Variants in GMFB observed in about 807,000 individuals in gnomAD.
GMFB encodes glia maturation factor beta.
GMFB carries 13 observed loss-of-function variants against 25.6 expected under a neutral mutation model. That is an observed-to-expected ratio of 0.51 (90% CI 0.33 to 0.81). GMFB has a LOEUF of 0.81. Ranked by LOEUF, GMFB falls within the 30% of genes least tolerant of loss-of-function variation. The pLI is 0.02. For synonymous variants in GMFB, 57 were observed against 56.9 expected (o/e 1.00, Z 0.00); for missense variants, 146 against 175.4 (o/e 0.83, Z 0.95).
chr14:54,484,186 T>A (rs2031753243), intron 1 of GMFB: 1 of 181,272 alleles, frequency 5.5e-6, no homozygotes, highest in African/African-American at 2.4e-5. Context: ...TACTTAGAAT[T>A]AATAAATTAT....
chr14:54,486,922 G>C (rs1242236005), intron 1 of GMFB, among the ~76,000 whole-genome samples: 1 of 152,042 alleles, frequency 6.6e-6, no homozygotes, highest in Non-Finnish European at 1.5e-5. Context: ...CAAAAAAAAG[G>C]GTTACCAGAT....
rs747204561 is a variant in GMFB at position 54,480,905 on chromosome 14, A to G, written c.252T>C (p.Tyr84=). 9.8e-6 allele frequency: 15 copies of G among 1,536,562 alleles called. No individual in the cohort carries two copies. Among genetic ancestry groups the G allele is most frequent in the Admixed American group, 8.9e-5 (5 of 56,314 alleles). ...KYQHDDGRVS[Y]PLCFIFSSPV... Reference sequence around the variant, plus strand: ...GACTGGAGAAAATAAAGCACAGAGGATATGAAACTCTTCCATCATCATGTT... The same window carrying G: ...GACTGGAGAAAATAAAGCACAGAGGGTATGAAACTCTTCCATCATCATGTT... The change falls in exon 5 of 7, where the codon TAT becomes TAC. Residue 84 remains tyrosine (Y), a synonymous_variant. Transcript: ENST00000358056.
rs778660896 is a variant in GMFB, at chr14:54,483,688, T to C, written c.83A>G (p.Asn28Ser). The change falls in exon 2 of 7, where the codon AAC (asparagine) becomes AGC (serine). Residue 28 changes from asparagine (N) to serine (S), a missense_variant. Transcript: ENST00000358056. ...TAGCTTACTTATAATAGCAGCGTTG[T>C]TCGTTTCTTTGCGAAAACGAAACTT... ...LRKFRFRKET[N>S]NAAIIMKIDK... 3.8e-6 allele frequency: 6 copies of C among 1,587,680 alleles called. No homozygotes were observed. The highest frequency in any genetic ancestry group is 5.2e-6 in the Non-Finnish European group (6 of 1,156,258).
intron 1 of GMFB, among the ~76,000 whole-genome samples, chr14:54,484,609 G>T (rs1398446991): frequency 6.6e-6 from 1 of 151,928 alleles, no homozygotes; most frequent in African/African-American, 2.4e-5. Context: ...TTCTACCAAA[G>T]ATTTAAAACA....
chr14:54,483,195 A>T (rs1566497661), intron 2 of GMFB: 2 of 153,980 alleles, frequency 1.3e-5, no homozygotes, highest in Non-Finnish European at 2.9e-5. Flanking sequence ...CCATTTTCAG[A>T]AGATAGTGCC....
intron 4 of GMFB, 90 bp from the exon 5 acceptor site, chr14:54,481,046 C>A: frequency 1.6e-6 from 1 of 638,030 alleles, no homozygotes; most frequent in Non-Finnish European, 2.8e-6. Context: ...AGTTTCTGTC[C>A]TATTCTTTTA....
Position 54,480,945 on chromosome 14 carries a change from T to C in GMFB, c.212A>G (p.Tyr71Cys). ...LPERQPRFIV[Y>C]SYKYQHDDGR... The stretch of plus-strand genomic sequence containing the variant: ...ATCATCATGTTGATATTTATAACTA[T>C]ACACAATGAAGGTTTTTCTCAAGTT... Residue 71 changes from tyrosine (Y) to cysteine (C), a missense_variant, in exon 5 of 7, where the codon TAT becomes TGT. By Grantham distance (194) the Tyr-to-Cys change is radical. Transcript: ENST00000358056. 1 of 1,487,908 alleles carries C rather than the reference T, an allele frequency of 6.7e-7. No homozygotes were observed. The highest frequency in any genetic ancestry group is 9.3e-7 in the Non-Finnish European group (1 of 1,076,062). 92.2% of individuals were successfully genotyped at this position (1,487,908 alleles called of 1,614,324 possible). A position where few individuals can be genotyped will look rare whatever the true frequency, so the allele number is the denominator to read the frequency against.
At chr14:54,488,789 G>T in intron 1 of GMFB, 136 bp downstream of exon 1, 2 of 634,994 alleles carry the variant, frequency 3.1e-6, no homozygotes, top group Non-Finnish European at 5.1e-6. Flanking sequence ...TATGGGCACT[G>T]GCCAGCTGCT....
intron 6 of GMFB, chr14:54,478,732 A>C (rs1351744596): frequency 6.6e-6 from 1 of 152,166 alleles, no homozygotes; most frequent in Admixed American, 6.6e-5. Flanking sequence ...AGACAGAGCT[A>C]AATCCTAGCT....
At position 54,480,886 on chromosome 14, in the gene GMFB, A is replaced by T. The variant is rs745887555; in HGVS notation, c.271T>A (p.Ser91Thr). 15 of 1,495,240 alleles carry T rather than the reference A, an allele frequency of 1.0e-5. No individual in the cohort carries two copies. The highest frequency in any genetic ancestry group is 1.2e-5 in the Non-Finnish European group (13 of 1,080,456). 92.6% of individuals were successfully genotyped at this position (1,495,240 alleles called of 1,614,324 possible). The change falls in exon 5 of 7, where the codon TCC becomes ACC. Residue 91 changes from serine (S) to threonine (T), a missense_variant. Coordinates refer to ENST00000358056, the MANE Select transcript of GMFB (RefSeq NM_004124.3). ...RVSYPLCFIF[S>T]SPVGCKPEQQ... Reference sequence around the variant, plus strand: ...GAAATTCACTTACCAACAGGACTGGAGAAAATAAAGCACAGAGGATATGAA... The same window carrying T: ...GAAATTCACTTACCAACAGGACTGGTGAAAATAAAGCACAGAGGATATGAA...
In GMFB at chr14:54,479,875, T is replaced by G; in HGVS notation, c.284-16A>C. ...GGCTTACATCCTGGAAAAGAGAGAT[T>G]AGTGTAGAAATGAGACACAGATTTT... is the stretch of plus-strand genomic sequence containing the variant. On this transcript the variant is annotated splice_polypyrimidine_tract_variant and intron_variant, in intron 5 of 6. Transcript: ENST00000358056. The G allele has an allele frequency of 2.7e-6, 4 of 1,505,516 alleles. No individual in the cohort carries two copies. The highest frequency in any genetic ancestry group is 3.7e-6 in the Non-Finnish European group (4 of 1,082,002). 93.3% of individuals were successfully genotyped at this position (1,505,516 alleles called of 1,614,324 possible). A position where few individuals can be genotyped will look rare whatever the true frequency, so the allele number is the denominator to read the frequency against.
At chr14:54,479,347 CT>C (rs2031680450) in intron 6 of GMFB, 1 of 152,376 alleles carries the variant, frequency 6.6e-6, no homozygotes, top group Non-Finnish European at 1.5e-5. Flanking sequence ...AATGTTCTAA[CT>C]TTATTAATAT....
intron 1 of GMFB, chr14:54,488,602 C>T (rs2031821982): frequency 2.9e-6 from 1 of 339,678 alleles, no homozygotes; most frequent in Admixed American, 4.9e-5. Flanking sequence ...TTCCCTCCAA[C>T]CTACAGCTCA....
rs2031615525 is a variant in GMFB at position 54,474,858 on chromosome 14, A to T, written c.*3230T>A. On this transcript the variant is annotated 3_prime_UTR_variant, in exon 7 of 7. Transcript: ENST00000358056. ...ACTGATTTGAAATGTCAAATGGCAT[A>T]ATAAAAACAAATTTCTCAAGAATAT... 1 of 152,668 alleles carries T rather than the reference A, an allele frequency of 6.6e-6. No homozygotes were observed. Among genetic ancestry groups the T allele is most frequent in the Non-Finnish European group, 1.5e-5 (1 of 68,020 alleles). 9.5% of individuals were successfully genotyped at this position (152,668 alleles called of 1,614,324 possible).
At chr14:54,484,648 T>C (rs1427588056) in intron 1 of GMFB, among the ~76,000 whole-genome samples, 2 of 152,026 alleles carry the variant, frequency 1.3e-5, no homozygotes, top group Admixed American at 6.6e-5. Context: ...TTCAAAAAAA[T>C]TGAAGGGGAG....
Position 54,477,973 on chromosome 14 carries a change from C to T in GMFB, c.*115G>A. 1 of 516,094 alleles carries T rather than the reference C, an allele frequency of 1.9e-6. No individual in the cohort carries two copies. Among genetic ancestry groups the T allele is most frequent in the Non-Finnish European group, 3.5e-6 (1 of 286,454 alleles). The allele number at this position is 516,094 out of a possible 1,614,324, so 32.0% of individuals were successfully genotyped here. A position where few individuals can be genotyped will look rare whatever the true frequency, so the allele number is the denominator to read the frequency against. ...TGCACAAATGAAGAATTTTTCTTTA[C>T]TGCAGGAAACAAACTGTAAGTAACA... On this transcript the variant is annotated 3_prime_UTR_variant, in exon 7 of 7. Transcript: ENST00000358056.
intron 6 of GMFB, 45 bp downstream of exon 6, chr14:54,479,741 A>G (rs1369883411): frequency 5.2e-6 from 6 of 1,155,136 alleles, no homozygotes; most frequent in Admixed American, 1.7e-5. Context: ...TTTATAGTCT[A>G]AAGGAAAATA....
intron 1 of GMFB, chr14:54,488,476 TC>T: frequency 6.0e-6 from 1 of 166,596 alleles, no homozygotes; most frequent in Non-Finnish European, 1.3e-5. Context: ...ATTCGAGTCC[TC>T]CCCCAAAACG....
intron 2 of GMFB, chr14:54,483,171 G>A (rs2031735775): frequency 6.5e-6 from 1 of 154,132 alleles, no homozygotes. Context: ...GGAGCAATAT[G>A]CAAATCACTT....
Sources: gnomAD v4.1 joint callset for allele counts (sites outside exome capture counted in the v4.1 genomes callset) on GRCh38, gnomAD v4.1.1 for gene constraint, MANE v1.5 for transcripts, NCBI Gene and HGNC (gene_info 2026-07-23, HGNC 2026-07-21) for gene names.